The following LBR variants were observed in gnomAD, a reference collection of about 807,000 sequenced individuals.
LBR encodes the protein lamin B receptor.
LBR carries 28 observed loss-of-function variants against 74.3 expected under a neutral mutation model. The ratio of observed to expected loss-of-function variants is 0.38; its 90% confidence interval spans 0.28 to 0.52. The LOEUF (loss-of-function observed/expected upper bound fraction) is 0.52. LBR is among the 20% of genes least tolerant of loss of function. LBR has a pLI of 0.89. For synonymous variants in LBR, 228 were observed against 269.3 expected (o/e 0.85, Z 1.50); for missense variants, 717 against 760.3 (o/e 0.94, Z 0.67).
chr1:225,405,188 A>T (rs1292246101), intron 11 of LBR, among the ~76,000 whole-genome samples: 2 of 152,188 alleles, frequency 1.3e-5, no homozygotes, highest in Non-Finnish European at 2.9e-5. Flanking sequence ...ATCAGCACCA[A>T]AACATCCTGC....
chr1:225,417,941 G>C, intron 6 of LBR, 43 bp downstream of exon 6: 1 of 1,564,838 alleles, frequency 6.4e-7, no homozygotes, highest in Non-Finnish European at 8.8e-7. Flanking sequence ...AATATAGTGA[G>C]ACCTCATCTT....
Position 225,422,288 on chromosome 1 carries a change from G to T in LBR, c.166-11C>A. ...AAAGGAAGTTAAAGGCTAGAAAGGG[G>T]GAAGAAGGCAAAGAGCTTTACCACA... On this transcript the variant is annotated splice_polypyrimidine_tract_variant and intron_variant, in intron 2 of 13. Transcript: ENST00000272163. 1 of 1,609,114 alleles carries T rather than the reference G, an allele frequency of 6.2e-7. No individual in the cohort carries two copies. The highest frequency in any genetic ancestry group is 8.5e-7 in the Non-Finnish European group (1 of 1,176,868).
intron 2 of LBR, 158 bp from the exon 3 acceptor site, chr1:225,422,435 A>G (rs1163473324): frequency 9.0e-6 from 6 of 668,338 alleles, no homozygotes; most frequent in East Asian, 8.2e-5. Context: ...GATGAAGCCA[A>G]TGGAAAATGC....
At chr1:225,424,483 C>T (rs930575579) in intron 1 of LBR, among the ~76,000 whole-genome samples, 5 of 152,142 alleles carry the variant, frequency 3.3e-5, no homozygotes, top group Non-Finnish European at 7.3e-5. Context: ...AACAAATTGC[C>T]TTTATTAAAA....
At position 225,419,443 on chromosome 1, in the gene LBR, T is replaced by C. The variant is rs759988663; in HGVS notation, c.460A>G (p.Ser154Gly). Reference protein sequence around the residue: ...APHKNTQEKFSLSQESSYIAT... With the variant: ...APHKNTQEKFGLSQESSYIAT... ...ATGTAACTGCTTTCTTGTGACAAAC[T>C]GAATTTTTCCTAAATGAAAAATTTA... The change falls in exon 5 of 14, where the codon AGT becomes GGT. Residue 154 changes from serine (S) to glycine (G), a missense_variant. Coordinates refer to ENST00000272163, the MANE Select transcript of LBR (RefSeq NM_002296.4). 7 of 1,609,032 alleles carry C rather than the reference T, an allele frequency of 4.4e-6. No homozygotes were observed. The highest frequency in any genetic ancestry group is 5.1e-6 in the Non-Finnish European group (6 of 1,175,618).
intron 9 of LBR, among the ~76,000 whole-genome samples, chr1:225,411,111 T>C (rs1158753111): frequency 6.6e-6 from 1 of 152,184 alleles, no homozygotes; most frequent in East Asian, 1.9e-4. Flanking sequence ...ACTGATATAA[T>C]AAAAATAAAG....
chr1:225,414,897 T>C lies in LBR; in HGVS notation c.892+381A>G, dbSNP rs558823295. ...GTTCTCCAGGCAAAGGCCCAGGAAG[T>C]GTGTGTGACGAATATTCAAGGGACA... On this transcript the variant is annotated intron_variant, in intron 7 of 13. Coordinates refer to ENST00000272163, the MANE Select transcript of LBR (RefSeq NM_002296.4). 4.6e-5 allele frequency among the ~76,000 whole-genome samples: 7 copies of C among 152,284 alleles called. No homozygotes were observed. In the East Asian group the frequency reaches 1.2e-3, roughly 25 times the overall value.
chr1:225,418,404 AAAAG>A (rs2096121503), intron 5 of LBR, among the ~76,000 whole-genome samples: 1 of 152,020 alleles, frequency 6.6e-6, no homozygotes, highest in South Asian at 2.1e-4. Flanking sequence ...AATAAAAAAA[AAAAG>A]AAAGAGGTCC....
At position 225,423,908 on chromosome 1, in the gene LBR, T is replaced by C. The variant is rs374922273; in HGVS notation, c.165+3A>G. The C allele has an allele frequency of 6.1e-5, 98 of 1,612,188 alleles. No individual in the cohort carries two copies. Among genetic ancestry groups the C allele is most frequent in the Middle Eastern group, 3.3e-4 (2 of 6,076 alleles). ...CACTCTGATAAACCAAAGGAGCTCT[T>C]ACCTTAATATCATTCTCTTTCAATT... On this transcript the variant is annotated splice_donor_region_variant and intron_variant, in intron 2 of 13. Coordinates refer to ENST00000272163, the MANE Select transcript of LBR (RefSeq NM_002296.4).
At chr1:225,422,486 T>G (rs1308803896) in intron 2 of LBR, 1 of 589,850 alleles carries the variant, frequency 1.7e-6, no homozygotes. Context: ...ATGCAGCCTT[T>G]CCATTCCTGT....
chr1:225,425,158 C>A (rs1454889754), intron 1 of LBR, among the ~76,000 whole-genome samples: 1 of 152,080 alleles, frequency 6.6e-6, no homozygotes, highest in Non-Finnish European at 1.5e-5. Flanking sequence ...CATTTAGGAA[C>A]CTTTGAAGAC....
At position 225,401,987 on chromosome 1, in the gene LBR, T is replaced by C. The variant is rs970332340; in HGVS notation, c.*1316A>G. 1.3e-5 allele frequency: 2 copies of C among 152,210 alleles called. No homozygotes were observed. Among genetic ancestry groups the C allele is most frequent in the South Asian group, 2.1e-4 (1 of 4,830 alleles). The allele number at this position is 152,210 out of a possible 1,614,324, so 9.4% of individuals were successfully genotyped here. On this transcript the variant is annotated 3_prime_UTR_variant, in exon 14 of 14. Coordinates refer to ENST00000272163, the MANE Select transcript of LBR (RefSeq NM_002296.4). Reference sequence around the variant, plus strand: ...ACTATGTTTATTACATTCCCCTACATTGAAAGTACTGAGAACAATTTAACT... The same window carrying C: ...ACTATGTTTATTACATTCCCCTACACTGAAAGTACTGAGAACAATTTAACT...
chr1:225,421,386 G>A (rs1180638185), intron 3 of LBR, among the ~76,000 whole-genome samples: 5 of 152,180 alleles, frequency 3.3e-5, no homozygotes, highest in African/African-American at 7.2e-5. Context: ...CCAGCTACTC[G>A]GTAGGCTGAG....
At chr1:225,422,032 C>T (rs1408029461) in intron 3 of LBR, 45 bp downstream of exon 3, 9 of 1,553,086 alleles carry the variant, frequency 5.8e-6, no homozygotes, top group Non-Finnish European at 7.1e-6. Context: ...TAAATATATA[C>T]ATAAAGCGGA....
At chr1:225,405,661 T>G (rs1210088030) in intron 11 of LBR, among the ~76,000 whole-genome samples, 1 of 152,226 alleles carries the variant, frequency 6.6e-6, no homozygotes, top group Non-Finnish European at 1.5e-5. Context: ...TTTGACTTCC[T>G]GGCCTCCAGA....
At chr1:225,406,504 T>C (rs995054381) in intron 11 of LBR, 160 bp downstream of exon 11, 3 of 634,248 alleles carry the variant, frequency 4.7e-6, no homozygotes, top group African/African-American at 3.7e-5. Context: ...TCCATTCTCT[T>C]TGCAAAATGC....
At chr1:225,416,330 A>G (rs1221860335) in intron 6 of LBR, among the ~76,000 whole-genome samples, 1 of 152,236 alleles carries the variant, frequency 6.6e-6, no homozygotes, top group African/African-American at 2.4e-5. Flanking sequence ...GGTACCCAAT[A>G]GAACTGGCTC....
At chr1:225,409,482 G>A (rs2096100072) in intron 10 of LBR, among the ~76,000 whole-genome samples, 1 of 152,122 alleles carries the variant, frequency 6.6e-6, no homozygotes, top group Admixed American at 6.5e-5. Context: ...AATGTTCCAG[G>A]CTCAAAGAGA....
At chr1:225,409,152 T>G (rs1171379825) in intron 10 of LBR, among the ~76,000 whole-genome samples, 1 of 99,578 alleles carries the variant, frequency 1.0e-5, no homozygotes, top group Non-Finnish European at 2.5e-5. Context: ...ACGTGGAATT[T>G]TTAAAGTCAA....
Sources: allele counts gnomAD v4.1 joint callset (sites outside exome capture counted in the v4.1 genomes callset), GRCh38; gene constraint gnomAD v4.1.1; transcripts MANE v1.5; gene names NCBI Gene and HGNC (gene_info 2026-07-23, HGNC 2026-07-21).